AGBL1: variants seen among roughly 807,000 people sequenced by gnomAD.
The protein encoded by AGBL1 is AGBL carboxypeptidase 1, also known as cytosolic carboxypeptidase 4.
A neutral mutation model predicts 118.9 loss-of-function variants in AGBL1; 130 were observed. The observed-to-expected ratio is 1.09, with a 90% CI of 0.95 to 1.26. The LOEUF is 1.26. AGBL1 is among the 50% of genes most tolerant of loss of function. The pLI is 0.00. For synonymous variants in AGBL1, 555 were observed against 478.9 expected, an observed-to-expected ratio of 1.16 and a Z score of -2.08; for missense variants, 1,584 against 1,298.1, an observed-to-expected ratio of 1.22 and a Z score of -3.38.
Position 86,226,790 on chromosome 15 carries a change from T to C in AGBL1, c.526+1839T>C, listed in dbSNP as rs550412961. The stretch of plus-strand genomic sequence containing the variant: ...AGAGCTTAGCTCAGATATTGCCTCC[T>C]CTGAAAATCCTTTCTCTGACTACCA... On this transcript the variant is annotated intron_variant, in intron 6 of 22. Coordinates refer to ENST00000614907, the MANE Select transcript of AGBL1 (RefSeq NM_001386094.1). Among the ~76,000 whole-genome samples the C allele has an allele frequency of 1.5e-3, 224 of 152,286 alleles. 3 individuals are homozygous for C. The South Asian group carries it at 0.045, about 31-fold the overall frequency.
At chr15:87,005,081 C>A (rs2081484417) in intron 24 of AGBL1, among the ~76,000 whole-genome samples, 1 of 152,176 alleles carries the variant, frequency 6.6e-6, no homozygotes, top group Non-Finnish European at 1.5e-5. Context: ...ATGGGCTTCC[C>A]TTTGTGGGTA....
At chr15:86,469,919 T>G (rs533079040) in intron 18 of AGBL1, among the ~76,000 whole-genome samples, 65 of 152,220 alleles carry the variant, frequency 4.3e-4, no homozygotes, top group African/African-American at 1.5e-3. Context: ...ATTTAAAAAA[T>G]CAGGTTACTT....
At chr15:86,519,428 T>G (rs537718645) in intron 18 of AGBL1, among the ~76,000 whole-genome samples, 5 of 152,268 alleles carry the variant, frequency 3.3e-5, no homozygotes, top group East Asian at 1.9e-4. Context: ...GATAATAAGA[T>G]AGGGTGCATT....
chr15:86,094,866 C>T (rs1261497168), intron 1 of AGBL1, among the ~76,000 whole-genome samples: 2 of 152,146 alleles, frequency 1.3e-5, no homozygotes, highest in African/African-American at 4.8e-5. Context: ...AATTCTGATC[C>T]TAACTACCTG....
chr15:86,231,958 C>G (rs1440877303), intron 6 of AGBL1, among the ~76,000 whole-genome samples: 2 of 152,088 alleles, frequency 1.3e-5, no homozygotes, highest in African/African-American at 2.4e-5. Flanking sequence ...TGAGTGGGAC[C>G]CAGCAAGAGG....
At chr15:86,271,079 C>T (rs1489529228) in intron 14 of AGBL1, among the ~76,000 whole-genome samples, 2 of 113,640 alleles carry the variant, frequency 1.8e-5, no homozygotes, top group African/African-American at 7.2e-5. Flanking sequence ...GAGACAGAGT[C>T]TCGCTCTGTC....
intron 22 of AGBL1, among the ~76,000 whole-genome samples, chr15:86,830,145 CG>C (rs1567196411): frequency 1.3e-5 from 2 of 151,770 alleles, no homozygotes; most frequent in Non-Finnish European, 2.9e-5. Flanking sequence ...TGAGGTATAA[CG>C]CATATACTCT....
intron 18 of AGBL1, among the ~76,000 whole-genome samples, chr15:86,442,133 T>C (rs1485249350): frequency 6.6e-6 from 1 of 152,218 alleles, no homozygotes; most frequent in Non-Finnish European, 1.5e-5. Context: ...GGCTGTGCCT[T>C]GTCACTGGGT....
intron 22 of AGBL1, among the ~76,000 whole-genome samples, chr15:86,846,533 C>CTTTG (rs200071383): frequency 6.6e-6 from 1 of 151,064 alleles, no homozygotes; most frequent in African/African-American, 2.4e-5. Context: ...TTTTGTTGTT[C>CTTTG]TTTGTTTGTT....
chr15:86,174,702 T>C (rs1052073081), intron 5 of AGBL1, among the ~76,000 whole-genome samples: 1 of 152,192 alleles, frequency 6.6e-6, no homozygotes, highest in Non-Finnish European at 1.5e-5. Context: ...TTTTTTATCA[T>C]GAAGGAATGT....
At chr15:86,501,208 G>A (rs893810616) in intron 18 of AGBL1, among the ~76,000 whole-genome samples, 4 of 151,638 alleles carry the variant, frequency 2.6e-5, no homozygotes, top group Admixed American at 6.6e-5. Flanking sequence ...GAGTGGGTAT[G>A]AAATGGTATC....
chr15:86,877,714 C>A (rs754037697), intron 22 of AGBL1, among the ~76,000 whole-genome samples: 2 of 152,176 alleles, frequency 1.3e-5, no homozygotes, highest in Non-Finnish European at 2.9e-5. Context: ...AGAAACACAT[C>A]CAGACAAAGA....
intron 19 of AGBL1, among the ~76,000 whole-genome samples, chr15:86,530,504 A>G (rs985398966): frequency 7.4e-6 from 1 of 135,636 alleles, no homozygotes; most frequent in Admixed American, 7.0e-5. Flanking sequence ...CCACACATTA[A>G]TAATAGGAGA....
At chr15:86,631,996 T>G (rs1174139596) in intron 21 of AGBL1, among the ~76,000 whole-genome samples, 1 of 151,068 alleles carries the variant, frequency 6.6e-6, no homozygotes, top group Non-Finnish European at 1.5e-5. Context: ...TTGAGAGCAG[T>G]CTGCGCAAGC....
chr15:86,722,759 C>G (rs563112811), intron 22 of AGBL1, among the ~76,000 whole-genome samples: 1 of 152,204 alleles, frequency 6.6e-6, no homozygotes, highest in East Asian at 1.9e-4. Flanking sequence ...ATCTACTCAT[C>G]TGACAAAGGG....
At chr15:86,827,411 GTA>G (rs1196407525) in intron 22 of AGBL1, among the ~76,000 whole-genome samples, 229 of 4,584 alleles carry the variant, frequency 0.05, 79 homozygotes, top group Admixed American at 0.072. Flanking sequence ...ATATATATGT[GTA>G]TATATATATA....
chr15:86,662,755 C>T (rs761859008), intron 21 of AGBL1, among the ~76,000 whole-genome samples: 5 of 152,118 alleles, frequency 3.3e-5, no homozygotes, highest in Non-Finnish European at 5.9e-5. Flanking sequence ...CAGGCAAATG[C>T]TAATCTGCAG....
intron 22 of AGBL1, among the ~76,000 whole-genome samples, chr15:86,687,048 G>T (rs963411950): frequency 6.6e-6 from 1 of 151,966 alleles, no homozygotes; most frequent in Non-Finnish European, 1.5e-5. Context: ...TCCTTGCACC[G>T]GTCAGGGTTT....
chr15:87,031,088 A>C (rs1004709950), downstream of AGBL1, among the ~76,000 whole-genome samples: 1 of 151,994 alleles, frequency 6.6e-6, no homozygotes, highest in African/African-American at 2.4e-5. Flanking sequence ...TTCAATTCCC[A>C]CTACAATATC....
Sources: gnomAD v4.1 joint callset for allele counts (sites outside exome capture counted in the v4.1 genomes callset) on GRCh38, gnomAD v4.1.1 for gene constraint, MANE v1.5 for transcripts, NCBI Gene and HGNC (gene_info 2026-07-23, HGNC 2026-07-21) for gene names.